The following ITGA8 variants were observed in gnomAD, a reference collection of about 807,000 sequenced individuals.
ITGA8 encodes integrin subunit alpha 8, also known as integrin alpha-8.
A neutral mutation model predicts 142.3 loss-of-function variants in ITGA8; 91 were observed. The observed-to-expected ratio is 0.64, with a 90% confidence interval of 0.54 to 0.76. ITGA8 has a LOEUF of 0.76. Ranked by LOEUF, ITGA8 falls within the 30% of genes least tolerant of loss-of-function variation. The probability of loss-of-function intolerance (pLI) is 0.00; values close to 1 mark genes in which losing one functional copy is unlikely to be tolerated. For synonymous variants in ITGA8, 505 were observed against 485.2 expected, an observed-to-expected ratio of 1.04 and a Z score of -0.54; for missense variants, 1,406 against 1,327.7, an observed-to-expected ratio of 1.06 and a Z score of -0.92.
chr10:15,610,140 A>G (rs1252428764), intron 15 of ITGA8, among the ~76,000 whole-genome samples: 3 of 152,174 alleles, frequency 2.0e-5, no homozygotes, highest in African/African-American at 7.2e-5. Context: ...TGAATTCTCA[A>G]TAATAGCACT....
chr10:15,592,197 C>G, intron 22 of ITGA8, 28 bp downstream of exon 22: 1 of 1,542,178 alleles, frequency 6.5e-7, no homozygotes, highest in Non-Finnish European at 8.9e-7. Flanking sequence ...TGACTGCTGT[C>G]AACGATATAG....
intron 26 of ITGA8, among the ~76,000 whole-genome samples, chr10:15,554,254 A>G (rs1014985962): frequency 3.9e-5 from 6 of 152,146 alleles, no homozygotes; most frequent in African/African-American, 7.2e-5. Flanking sequence ...AAAACTCATG[A>G]GCCTTCTCTG....
rs1312561056 is a variant in ITGA8, at chr10:15,666,896, C to G, written c.847+4707G>C. Among the ~76,000 whole-genome samples the G allele has an allele frequency of 2.6e-5, 4 of 152,212 alleles. No homozygotes were observed. In the South Asian group the frequency reaches 6.2e-4, roughly 24 times the overall value. On this transcript the variant is annotated intron_variant, in intron 8 of 29. Transcript: ENST00000378076. The stretch of plus-strand genomic sequence containing the variant: ...CTTGATCATGGTGGATAAGCTTTTT[C>G]ATGTGCTGCTGGATTCGGTTTGCCA...
chr10:15,660,484 A>C (rs1834264148), intron 9 of ITGA8, among the ~76,000 whole-genome samples: 1 of 152,250 alleles, frequency 6.6e-6, no homozygotes, highest in Non-Finnish European at 1.5e-5. Flanking sequence ...AATTTGCATA[A>C]AATGAAACAT....
chr10:15,535,463 A>G (rs1833410384), intron 27 of ITGA8, among the ~76,000 whole-genome samples: 1 of 152,296 alleles, frequency 6.6e-6, no homozygotes, highest in African/African-American at 2.4e-5. Context: ...ACCAATCGGC[A>G]CTGTGTATGT....
chr10:15,538,953 G>GTT (rs367805176), intron 27 of ITGA8, among the ~76,000 whole-genome samples: 6 of 132,196 alleles, frequency 4.5e-5, no homozygotes, highest in African/African-American at 1.4e-4. Flanking sequence ...TCAGGTAAAG[G>GTT]TTTTTTTTTT....
chr10:15,640,466 C>G (rs1315297569), intron 13 of ITGA8, among the ~76,000 whole-genome samples: 2 of 152,198 alleles, frequency 1.3e-5, no homozygotes, highest in Admixed American at 1.3e-4. Flanking sequence ...AATTGTTTAT[C>G]TTTTTAAGTT....
At chr10:15,709,416 G>T (rs756972596) in intron 2 of ITGA8, among the ~76,000 whole-genome samples, 4 of 152,138 alleles carry the variant, frequency 2.6e-5, no homozygotes, top group Non-Finnish European at 5.9e-5. Flanking sequence ...CACCCCAGAA[G>T]AAATGCTCTA....
intron 11 of ITGA8, among the ~76,000 whole-genome samples, chr10:15,652,925 G>A (rs1834115536): frequency 6.6e-6 from 1 of 152,182 alleles, no homozygotes. Flanking sequence ...AGCCTGAGCT[G>A]GTACTGCTCA....
intron 13 of ITGA8, among the ~76,000 whole-genome samples, chr10:15,630,879 G>A (rs1045499771): frequency 1.3e-5 from 2 of 151,938 alleles, no homozygotes; most frequent in Non-Finnish European, 2.9e-5. Context: ...GGCAACAGAT[G>A]GTATCTCATT....
At chr10:15,557,986 C>A in intron 26 of ITGA8, 88 bp downstream of exon 26, 1 of 1,511,090 alleles carries the variant, frequency 6.6e-7, no homozygotes, top group South Asian at 1.2e-5. Flanking sequence ...AGACCAAGAA[C>A]AATCCTTGAA....
chr10:15,520,936 A>G (rs1833054317), intron 28 of ITGA8, among the ~76,000 whole-genome samples: 1 of 152,192 alleles, frequency 6.6e-6, no homozygotes, highest in South Asian at 2.1e-4. Flanking sequence ...CTAGCAGGAA[A>G]TGTATTGGTG....
chr10:15,620,375 C>A (rs1246308942), intron 13 of ITGA8, among the ~76,000 whole-genome samples: 1 of 151,930 alleles, frequency 6.6e-6, no homozygotes, highest in South Asian at 2.1e-4. Flanking sequence ...TCCATCACAA[C>A]TAGATTGTCA....
chr10:15,542,882 A>C (rs1350321259), intron 27 of ITGA8, among the ~76,000 whole-genome samples: 1 of 152,204 alleles, frequency 6.6e-6, no homozygotes, highest in Non-Finnish European at 1.5e-5. Context: ...GCGATCACTC[A>C]ATAGTAATCT....
chr10:15,580,423 C>A (rs760732475), intron 23 of ITGA8, among the ~76,000 whole-genome samples: 72 of 152,200 alleles, frequency 4.7e-4, no homozygotes, highest in African/African-American at 1.5e-3. Context: ...CCCTCCAGAT[C>A]ATTTTACGGA....
At chr10:15,628,609 G>T (rs1833630485) in intron 13 of ITGA8, among the ~76,000 whole-genome samples, 1 of 151,730 alleles carries the variant, frequency 6.6e-6, no homozygotes, top group Admixed American at 6.6e-5. Flanking sequence ...TGGGATTACA[G>T]GTGTGAGCCA....
At chr10:15,677,545 T>C (rs1399279030) in intron 6 of ITGA8, 47 bp downstream of exon 6, 1 of 1,522,084 alleles carries the variant, frequency 6.6e-7, no homozygotes, top group South Asian at 1.2e-5. Flanking sequence ...TCCATCCTTC[T>C]GTTAGTAACA....
At chr10:15,560,443 T>C (rs1833954911) in intron 25 of ITGA8, among the ~76,000 whole-genome samples, 1 of 152,200 alleles carries the variant, frequency 6.6e-6, no homozygotes, top group South Asian at 2.1e-4. Flanking sequence ...GTTGTTCTTA[T>C]AGTAAATTCC....
chr10:15,688,158 A>T, intron 2 of ITGA8, 120 bp from the exon 3 acceptor site: 1 of 690,316 alleles, frequency 1.4e-6, no homozygotes, highest in African/African-American at 1.8e-5. Flanking sequence ...AACTCCTCCA[A>T]AAAAATTGAA....
Sources: allele counts gnomAD v4.1 joint callset (sites outside exome capture counted in the v4.1 genomes callset), GRCh38; gene constraint gnomAD v4.1.1; transcripts MANE v1.5; gene names NCBI Gene and HGNC (gene_info 2026-07-23, HGNC 2026-07-21).